ZNF804A: variants seen among roughly 807,000 people sequenced by gnomAD.
The protein encoded by ZNF804A is zinc finger protein 804A.
A neutral mutation model predicts 16.5 loss-of-function variants in ZNF804A; 2 were observed. The observed-to-expected ratio is 0.12, with a 90% confidence interval of 0.05 to 0.38. ZNF804A has a LOEUF of 0.38. ZNF804A is among the 10% of genes least tolerant of loss of function. The probability of loss-of-function intolerance (pLI) is 0.99; values close to 1 mark genes in which losing one functional copy is unlikely to be tolerated. For missense variants in ZNF804A, 1,473 were observed against 1,390.7 expected (o/e 1.06, Z -0.94); for synonymous variants, 534 against 489.6 (o/e 1.09, Z -1.20).
intron 1 of ZNF804A, among the ~76,000 whole-genome samples, chr2:184,678,160 A>T (rs556670426): frequency 6.6e-6 from 1 of 152,084 alleles, no homozygotes; most frequent in African/African-American, 2.4e-5. Context: ...TATGTATTTT[A>T]TAACTTTCGA....
chr2:184,896,066 A>C (rs1296188298), intron 2 of ZNF804A, among the ~76,000 whole-genome samples: 1 of 152,132 alleles, frequency 6.6e-6, no homozygotes, highest in African/African-American at 2.4e-5. Flanking sequence ...GTGTAATGTT[A>C]TTTGCCACGT....
chr2:184,710,609 T>C (rs1248204511), intron 1 of ZNF804A, among the ~76,000 whole-genome samples: 4 of 151,820 alleles, frequency 2.6e-5, no homozygotes, highest in African/African-American at 2.4e-5. Context: ...AACAGGTCTC[T>C]AGAACTTATT....
chr2:184,761,034 C>G (rs1694030609), intron 1 of ZNF804A, among the ~76,000 whole-genome samples: 1 of 152,042 alleles, frequency 6.6e-6, no homozygotes, highest in Non-Finnish European at 1.5e-5. Flanking sequence ...GTGTTGATAT[C>G]AGATAAGCTG....
In ZNF804A at chr2:184,932,497, A is replaced by G. The variant is rs570168987; in HGVS notation, c.256-1106A>G. On this transcript the variant is annotated intron_variant, in intron 2 of 3. Coordinates refer to ENST00000302277, the MANE Select transcript of ZNF804A (RefSeq NM_194250.2). ...CTCATGAGACTCATTCACTATCACA[A>G]TAAAAGTATGGGAAAGACCCGCCCC... is the stretch of plus-strand genomic sequence containing the variant. Among the ~76,000 whole-genome samples, 45 of 152,180 alleles carry G rather than the reference A, an allele frequency of 3.0e-4. 1 individual carries two copies. The highest frequency in any genetic ancestry group is 1.1e-3 in the African/African-American group (44 of 41,522).
intron 1 of ZNF804A, among the ~76,000 whole-genome samples, chr2:184,717,741 A>G (rs879418462): frequency 6.6e-6 from 1 of 152,212 alleles, no homozygotes; most frequent in Non-Finnish European, 1.5e-5. Context: ...ATTTCGTTAC[A>G]TGCATATAAT....
In ZNF804A at chr2:184,936,490, T is replaced by G. The variant is rs749771030; in HGVS notation, c.1094T>G (p.Met365Arg). The change falls in exon 4 of 4, where the codon ATG becomes AGG. Residue 365 changes from methionine (M) to arginine (R), a missense_variant. Physicochemically the swap from Met to Arg is moderately conservative, Grantham distance 91. Transcript: ENST00000302277. Reference sequence around the variant, plus strand: ...GGAAATAAATCCACAGTTCTTGACATGTCTAATGATTGCATATCTGTGCAA... The same window carrying G: ...GGAAATAAATCCACAGTTCTTGACAGGTCTAATGATTGCATATCTGTGCAA... The part of the protein sequence containing the change: ...LLGNKSTVLD[M>R]SNDCISVQAT... The G allele has an allele frequency of 5.3e-5, 86 of 1,613,802 alleles. No homozygotes were observed. Among genetic ancestry groups the G allele is most frequent in the Non-Finnish European group, 2.6e-5 (31 of 1,179,942 alleles).
At chr2:184,713,381 T>G (rs1324077298) in intron 1 of ZNF804A, among the ~76,000 whole-genome samples, 1 of 151,968 alleles carries the variant, frequency 6.6e-6, no homozygotes, top group African/African-American at 2.4e-5. Flanking sequence ...GAATTTCATT[T>G]TCTGCAACTA....
At chr2:184,759,272 A>T (rs983647277) in intron 1 of ZNF804A, among the ~76,000 whole-genome samples, 1 of 151,728 alleles carries the variant, frequency 6.6e-6, no homozygotes, top group African/African-American at 2.4e-5. Context: ...AAAGTATAGC[A>T]TGCTAAATGC....
intron 1 of ZNF804A, among the ~76,000 whole-genome samples, chr2:184,758,885 A>G (rs1693999210): frequency 6.6e-6 from 1 of 151,958 alleles, no homozygotes; most frequent in Non-Finnish European, 1.5e-5. Flanking sequence ...TCCACTTCTC[A>G]TCACCTATAT....
intron 1 of ZNF804A, among the ~76,000 whole-genome samples, chr2:184,831,524 T>A (rs1219042494): frequency 6.6e-6 from 1 of 152,082 alleles, no homozygotes; most frequent in Non-Finnish European, 1.5e-5. Context: ...ACATTGCATT[T>A]CAGTAGCATC....
intron 1 of ZNF804A, among the ~76,000 whole-genome samples, chr2:184,733,796 T>C (rs2105748910): frequency 6.6e-6 from 1 of 152,294 alleles, no homozygotes; most frequent in South Asian, 2.1e-4. Context: ...ATCAAACTTG[T>C]GGACATAAAT....
chr2:184,717,193 T>C (rs1693228826), intron 1 of ZNF804A, among the ~76,000 whole-genome samples: 2 of 152,184 alleles, frequency 1.3e-5, no homozygotes, highest in South Asian at 4.1e-4. Context: ...TTAAAATTAG[T>C]TTTTGTACGT....
At chr2:184,669,766 A>G (rs1187301388) in intron 1 of ZNF804A, among the ~76,000 whole-genome samples, 4 of 48,402 alleles carry the variant, frequency 8.3e-5, no homozygotes, top group Admixed American at 3.3e-4. Flanking sequence ...ACACACACGC[A>G]CACACACACA....
chr2:184,797,093 GTA>G (rs1165619445), intron 1 of ZNF804A, among the ~76,000 whole-genome samples: 2 of 152,070 alleles, frequency 1.3e-5, no homozygotes, highest in Non-Finnish European at 2.9e-5. Context: ...AATAGAATGT[GTA>G]TTCTGCAGTT....
At chr2:184,749,825 A>G (rs772767207) in intron 1 of ZNF804A, among the ~76,000 whole-genome samples, 3 of 151,138 alleles carry the variant, frequency 2.0e-5, no homozygotes, top group Non-Finnish European at 4.5e-5. Context: ...ACTGCTAAAG[A>G]TTTTTCATGT....
intron 1 of ZNF804A, among the ~76,000 whole-genome samples, chr2:184,617,018 C>T (rs1257376174): frequency 6.6e-6 from 1 of 151,960 alleles, no homozygotes; most frequent in Non-Finnish European, 1.5e-5. Context: ...TCTCTTCTCT[C>T]CACTCCTTAC....
At chr2:184,896,562 A>T (rs961765905) in intron 2 of ZNF804A, among the ~76,000 whole-genome samples, 4 of 152,160 alleles carry the variant, frequency 2.6e-5, no homozygotes, top group African/African-American at 9.6e-5. Context: ...GAGGTCTGTC[A>T]TTAGCATGTT....
At chr2:184,905,663 G>A (rs1274359274) in intron 2 of ZNF804A, among the ~76,000 whole-genome samples, 1 of 152,078 alleles carries the variant, frequency 6.6e-6, no homozygotes, top group Non-Finnish European at 1.5e-5. Flanking sequence ...TCCTTGAACT[G>A]AATCTTCAAG....
chr2:184,747,677 A>C (rs1693810820), intron 1 of ZNF804A, among the ~76,000 whole-genome samples: 1 of 150,832 alleles, frequency 6.6e-6, no homozygotes, highest in African/African-American at 2.4e-5. Context: ...TTTCAATTTT[A>C]ATTTTTTTTT....
Sources: allele counts gnomAD v4.1 joint callset (sites outside exome capture counted in the v4.1 genomes callset), GRCh38; gene constraint gnomAD v4.1.1; transcripts MANE v1.5; gene names NCBI Gene and HGNC (gene_info 2026-07-23, HGNC 2026-07-21).